COL24A1: variants seen among roughly 807,000 people sequenced by gnomAD.
COL24A1 encodes collagen type XXIV alpha 1 chain.
COL24A1 carries 224 observed loss-of-function variants against 253.9 expected under a neutral mutation model. The ratio of observed to expected loss-of-function variants is 0.88; its 90% CI spans 0.79 to 0.99. The LOEUF is 0.99. Ranked by LOEUF, COL24A1 falls within the 50% of genes least tolerant of loss-of-function variation. The pLI, the probability that COL24A1 is intolerant of heterozygous loss-of-function variation, is 0.00. For synonymous variants in COL24A1, 685 were observed against 673.7 expected (o/e 1.02, Z -0.26); for missense variants, 2,131 against 2,068.5 (o/e 1.03, Z -0.59).
chr1:85,829,308 G>C (rs553931492), intron 43 of COL24A1, among the ~76,000 whole-genome samples: 58 of 151,978 alleles, frequency 3.8e-4, no homozygotes, highest in African/African-American at 1.4e-3. Context: ...AGTCTGATGG[G>C]CTTTCCTTTG....
At chr1:85,954,504 A>C (rs1236278518) in intron 24 of COL24A1, among the ~76,000 whole-genome samples, 8 of 152,222 alleles carry the variant, frequency 5.3e-5, no homozygotes. Flanking sequence ...CTTCTCTGAA[A>C]CATAAGTTTC....
At chr1:85,849,522 G>A (rs1570907509) in intron 37 of COL24A1, 116 bp from the exon 38 acceptor site, 1 of 793,556 alleles carries the variant, frequency 1.3e-6, no homozygotes, top group Non-Finnish European at 2.1e-6. Flanking sequence ...TAAAAATGAG[G>A]GTTAATTTTC....
In COL24A1 at chr1:85,937,480, T is replaced by A. The variant is rs1200056400; in HGVS notation, c.2562+23769A>T. On this transcript the variant is annotated intron_variant, in intron 24 of 59. Transcript: ENST00000370571. ...GAAGTGTGAAGATCTTTGTATCACATGTCAATATTTACCAGAGGGTCAAAC... is the reference window on the plus strand; with the variant it reads ...GAAGTGTGAAGATCTTTGTATCACAAGTCAATATTTACCAGAGGGTCAAAC... Among the ~76,000 whole-genome samples, 4 of 147,588 alleles carry A rather than the reference T, an allele frequency of 2.7e-5. 1 individual carries two copies. The highest frequency in any genetic ancestry group is 9.9e-5 in the African/African-American group (4 of 40,236).
At position 85,884,184 on chromosome 1, in the gene COL24A1, A is replaced by C. The variant is rs943842648; in HGVS notation, c.2976+5376T>G. Reference sequence around the variant, plus strand: ...GTTTCATAATTCCAAAATGTCTGCTATCCCTGAGTCTGTTTCTGCTTGTCT... The same window carrying C: ...GTTTCATAATTCCAAAATGTCTGCTCTCCCTGAGTCTGTTTCTGCTTGTCT... On this transcript the variant is annotated intron_variant, in intron 32 of 59. Transcript: ENST00000370571. 1.8e-4 allele frequency among the ~76,000 whole-genome samples: 27 copies of C among 152,010 alleles called. 1 individual carries two copies. Among genetic ancestry groups the C allele is most frequent in the African/African-American group, 6.5e-4 (27 of 41,398 alleles).
intron 5 of COL24A1, among the ~76,000 whole-genome samples, chr1:86,094,199 T>C (rs893570735): frequency 6.6e-6 from 1 of 152,166 alleles, no homozygotes; most frequent in Non-Finnish European, 1.5e-5. Flanking sequence ...CATATGTTCA[T>C]TGCAGCAGTA....
chr1:85,984,669 C>G (rs1693556328), intron 20 of COL24A1, among the ~76,000 whole-genome samples: 1 of 151,852 alleles, frequency 6.6e-6, no homozygotes, highest in Non-Finnish European at 1.5e-5. Flanking sequence ...ATTTGTCTCT[C>G]TCAACTTCCT....
At chr1:86,092,021 G>T (rs1703527861) in intron 6 of COL24A1, among the ~76,000 whole-genome samples, 1 of 152,084 alleles carries the variant, frequency 6.6e-6, no homozygotes, top group South Asian at 2.1e-4. Context: ...CTCATTGGCA[G>T]ATAGTACAGT....
chr1:85,831,738 A>C (rs1001554133), intron 43 of COL24A1, among the ~76,000 whole-genome samples: 3 of 152,012 alleles, frequency 2.0e-5, no homozygotes, highest in Non-Finnish European at 2.9e-5. Flanking sequence ...TAAAGTGAGG[A>C]CATTCTGGCA....
intron 47 of COL24A1, among the ~76,000 whole-genome samples, chr1:85,801,270 C>T (rs1294976506): frequency 1.3e-5 from 2 of 152,150 alleles, no homozygotes; most frequent in Non-Finnish European, 2.9e-5. Flanking sequence ...GATCCATTTA[C>T]CACCCCTTCT....
At chr1:85,760,534 G>T (rs1251445277) in intron 55 of COL24A1, among the ~76,000 whole-genome samples, 1 of 152,142 alleles carries the variant, frequency 6.6e-6, no homozygotes, top group African/African-American at 2.4e-5. Flanking sequence ...GAAATGAAGA[G>T]TTCCTGATCT....
At position 86,126,070 on chromosome 1, in the gene COL24A1, T is replaced by C; in HGVS notation, c.266A>G (p.Tyr89Cys). The C allele has an allele frequency of 6.2e-7, 1 of 1,613,610 alleles. No homozygotes were observed. The highest frequency in any genetic ancestry group is 8.5e-7 in the Non-Finnish European group (1 of 1,179,786). ...AATTTTCACGAAAGGTGTCTCGATA[T>C]AAGCATCATTTTTAAAAATGACTCC... ...ESGVIFKNDA[Y>C]IETPFVKILP... Residue 89 changes from tyrosine to cysteine, a missense_variant, in exon 3 of 60, where the codon TAT becomes TGT. Coordinates refer to ENST00000370571, the MANE Select transcript of COL24A1 (RefSeq NM_152890.7).
chr1:85,754,984 C>T (rs1282486552), intron 55 of COL24A1, among the ~76,000 whole-genome samples: 1 of 152,154 alleles, frequency 6.6e-6, no homozygotes, highest in Non-Finnish European at 1.5e-5. Flanking sequence ...AGAAGTTCCA[C>T]AAACTTTCCC....
intron 20 of COL24A1, among the ~76,000 whole-genome samples, chr1:85,986,966 G>T (rs770467069): frequency 2.6e-5 from 4 of 151,766 alleles, no homozygotes; most frequent in Non-Finnish European, 5.9e-5. Flanking sequence ...TTTTGCTAGG[G>T]ATATTTCCTA....
chr1:85,948,728 TA>T (rs2100556203), intron 24 of COL24A1, among the ~76,000 whole-genome samples: 1 of 151,738 alleles, frequency 6.6e-6, no homozygotes, highest in African/African-American at 2.4e-5. Context: ...ATGAGGCCAG[TA>T]TCATCCTGAT....
At chr1:85,759,142 C>T (rs1453618927) in intron 55 of COL24A1, among the ~76,000 whole-genome samples, 1 of 152,098 alleles carries the variant, frequency 6.6e-6, no homozygotes, top group African/African-American at 2.4e-5. Context: ...TTCTATGAGT[C>T]TAATTTTTTA....
intron 37 of COL24A1, among the ~76,000 whole-genome samples, chr1:85,850,547 TTGCACTAACC>T (rs1316300909): frequency 3.3e-5 from 5 of 152,130 alleles, no homozygotes; most frequent in Non-Finnish European, 7.4e-5. Context: ...GAAATGGTAG[TTGCACTAACC>T]TGAGGACTTC....
chr1:86,042,928 G>A (rs1177757747), intron 12 of COL24A1, among the ~76,000 whole-genome samples: 1 of 152,130 alleles, frequency 6.6e-6, no homozygotes, highest in Non-Finnish European at 1.5e-5. Context: ...AAGCTTTACT[G>A]TGTAGCTGAG....
At chr1:85,844,446 A>C (rs1232881331) in intron 39 of COL24A1, among the ~76,000 whole-genome samples, 1 of 152,058 alleles carries the variant, frequency 6.6e-6, no homozygotes, top group Non-Finnish European at 1.5e-5. Context: ...TTCATAATGC[A>C]TTTATTAAAT....
At chr1:86,011,091 A>G (rs1696446161) in intron 19 of COL24A1, among the ~76,000 whole-genome samples, 1 of 152,204 alleles carries the variant, frequency 6.6e-6, no homozygotes, top group South Asian at 2.1e-4. Flanking sequence ...GCCCTGTAGA[A>G]TAATTTCTCT....
Sources: gnomAD v4.1 joint callset for allele counts (sites outside exome capture counted in the v4.1 genomes callset) on GRCh38, gnomAD v4.1.1 for gene constraint, MANE v1.5 for transcripts, NCBI Gene and HGNC (gene_info 2026-07-23, HGNC 2026-07-21) for gene names.